Variants in FOXO1 observed in about 807,000 individuals in gnomAD.
FOXO1 encodes forkhead box O1.
In FOXO1, 6 loss-of-function variants were observed where a neutral mutation model predicts 44.1. The ratio of observed to expected loss-of-function variants is 0.14; its 90% CI spans 0.07 to 0.27. The LOEUF (loss-of-function observed/expected upper bound fraction) is 0.27, where lower values mean the gene tolerates loss of function less well. Among genes scored for constraint, FOXO1 ranks in the 10% least tolerant of loss-of-function variants. The pLI is 1.00. For synonymous variants in FOXO1, 380 were observed against 362.7 expected (o/e 1.05, Z -0.54); for missense variants, 737 against 888.8 (o/e 0.83, Z 2.17).
At chr13:40,568,952 A>G (rs1874376439) in intron 1 of FOXO1, among the ~76,000 whole-genome samples, 1 of 152,190 alleles carries the variant, frequency 6.6e-6, no homozygotes, top group South Asian at 2.1e-4. Context: ...AAAAAATAGA[A>G]CCACATGGAG....
At chr13:40,585,656 G>A (rs1370044396) in intron 1 of FOXO1, among the ~76,000 whole-genome samples, 1 of 152,194 alleles carries the variant, frequency 6.6e-6, no homozygotes, top group Non-Finnish European at 1.5e-5. Flanking sequence ...GAAAGCTTCT[G>A]CGGAAATAAT....
chr13:40,643,071 G>A (rs1381688155), intron 1 of FOXO1, among the ~76,000 whole-genome samples: 3 of 152,230 alleles, frequency 2.0e-5, no homozygotes, highest in Non-Finnish European at 4.4e-5. Flanking sequence ...ACCGGGCGTG[G>A]TGGCTCATGC....
At chr13:40,632,145 C>T (rs908914522) in intron 1 of FOXO1, among the ~76,000 whole-genome samples, 1 of 152,094 alleles carries the variant, frequency 6.6e-6, no homozygotes, top group Non-Finnish European at 1.5e-5. Context: ...GTGGCACATG[C>T]CTGTAGTCCC....
In FOXO1 at chr13:40,623,938, A is replaced by T. The variant is rs200768567; in HGVS notation, c.630+41645T>A. On this transcript the variant is annotated intron_variant, in intron 1 of 2. Coordinates refer to ENST00000379561, the MANE Select transcript of FOXO1 (RefSeq NM_002015.4). The stretch of plus-strand genomic sequence containing the variant: ...CCATCTCTTAAAAAAAAAAAAAAAA[A>T]TTTTTTTTTTTTTTAATTAGCCAGG... Among the ~76,000 whole-genome samples the T allele has an allele frequency of 7.2e-3, 983 of 135,680 alleles. 5 individuals are homozygous for T. The highest frequency in any genetic ancestry group is 0.022 in the Middle Eastern group (6 of 274). The allele number at this position is 135,680 out of a possible 152,430, so 89.0% of individuals were successfully genotyped here.
intron 1 of FOXO1, among the ~76,000 whole-genome samples, chr13:40,601,458 C>G (rs895441165): frequency 6.6e-6 from 1 of 152,174 alleles, no homozygotes; most frequent in Non-Finnish European, 1.5e-5. Context: ...AAAACAGAAG[C>G]AGTCATTTTG....
intron 1 of FOXO1, among the ~76,000 whole-genome samples, chr13:40,600,655 T>G (rs1875784773): frequency 6.6e-6 from 1 of 152,212 alleles, no homozygotes; most frequent in Non-Finnish European, 1.5e-5. Flanking sequence ...TATGCTAAAC[T>G]TAGTAAATTA....
At chr13:40,655,973 T>A (rs775164423) in intron 1 of FOXO1, among the ~76,000 whole-genome samples, 2 of 152,310 alleles carry the variant, frequency 1.3e-5, no homozygotes, top group Middle Eastern at 3.4e-3. Context: ...AAATGGCTGA[T>A]GAGTGTTATT....
chr13:40,663,242 T>A (rs972665243), intron 1 of FOXO1, among the ~76,000 whole-genome samples: 2 of 152,348 alleles, frequency 1.3e-5, no homozygotes, highest in African/African-American at 4.8e-5. Context: ...CTTGCATTTT[T>A]AAAAAAATCA....
intron 1 of FOXO1, among the ~76,000 whole-genome samples, chr13:40,600,086 C>T (rs889415313): frequency 5.9e-5 from 9 of 152,134 alleles, no homozygotes; most frequent in Admixed American, 5.9e-4. Flanking sequence ...ACTGACCCAG[C>T]GCTGAAAACT....
intron 1 of FOXO1, among the ~76,000 whole-genome samples, chr13:40,627,822 T>C (rs1876834222): frequency 6.7e-6 from 1 of 148,990 alleles, no homozygotes; most frequent in Non-Finnish European, 1.5e-5. Context: ...AACAGAGTGA[T>C]ACTCCGGCTA....
chr13:40,645,718 G>C (rs961915780), intron 1 of FOXO1, among the ~76,000 whole-genome samples: 10 of 152,178 alleles, frequency 6.6e-5, no homozygotes, highest in African/African-American at 2.4e-4. Flanking sequence ...TGAAAAACTA[G>C]GGAAGGGGAG....
At chr13:40,561,067 C>A (rs1428027283) in intron 1 of FOXO1, among the ~76,000 whole-genome samples, 2 of 152,212 alleles carry the variant, frequency 1.3e-5, no homozygotes, top group East Asian at 3.9e-4. Context: ...AAAACAATAT[C>A]TGTGGCTGGG....
intron 1 of FOXO1, among the ~76,000 whole-genome samples, chr13:40,612,539 A>C (rs1400395422): frequency 2.0e-5 from 3 of 152,220 alleles, no homozygotes; most frequent in Non-Finnish European, 4.4e-5. Context: ...TTCTTTCAAA[A>C]AGAAGGCTGG....
At chr13:40,652,342 G>A (rs1303909085) in intron 1 of FOXO1, among the ~76,000 whole-genome samples, 8 of 148,250 alleles carry the variant, frequency 5.4e-5, no homozygotes, top group Admixed American at 2.7e-4. Flanking sequence ...CTGGAGTGTA[G>A]CGGCAAGATC....
intron 1 of FOXO1, among the ~76,000 whole-genome samples, chr13:40,574,746 T>C (rs1874678848): frequency 6.6e-6 from 1 of 152,048 alleles, no homozygotes; most frequent in Non-Finnish European, 1.5e-5. Flanking sequence ...CTAGTTAAGA[T>C]TGCAATGGAT....
In FOXO1 at chr13:40,560,636, C is replaced by T. The variant is rs199861203; in HGVS notation, c.855G>A (p.Gly285=). 47 of 1,614,016 alleles carry T rather than the reference C, an allele frequency of 2.9e-5. No homozygotes were observed. Among genetic ancestry groups the T allele is most frequent in the Non-Finnish European group, 3.9e-5 (46 of 1,180,014 alleles). The part of the protein sequence containing the change: ...ASLQSGQEGA[G]DSPGSQFSKW... ...TGGAAAACTGTGATCCAGGGCTGTCCCCAGCACCCTCCTGGCCAGACTGGA... is the reference window on the plus strand; with the variant it reads ...TGGAAAACTGTGATCCAGGGCTGTCTCCAGCACCCTCCTGGCCAGACTGGA... The change falls in exon 2 of 3, where the codon GGG becomes GGA. Residue 285 remains glycine, a synonymous_variant. Coordinates refer to ENST00000379561, the MANE Select transcript of FOXO1 (RefSeq NM_002015.4). This position sits in a 1 kb window ranked among gnomAD's most constrained non-coding sequence, Gnocchi z 5.1.
rs537371203 is a variant in FOXO1, at chr13:40,590,452, C to T, written c.631-29592G>A. ...TTCCAAAATGACCATTAACCAAATG[C>T]CCCTCTTGCGGAGTTACAGAAGAGG... is the stretch of plus-strand genomic sequence containing the variant. On this transcript the variant is annotated intron_variant, in intron 1 of 2. Transcript: ENST00000379561. Among the ~76,000 whole-genome samples the T allele has an allele frequency of 2.6e-5, 4 of 152,300 alleles. No individual in the cohort carries two copies. In the Middle Eastern group the frequency reaches 0.01, roughly 389 times the overall value.
intron 2 of FOXO1, 122 bp downstream of exon 2, chr13:40,559,387 G>C (rs958087335): frequency 1.2e-6 from 1 of 838,730 alleles, no homozygotes; most frequent in Non-Finnish European, 1.8e-6. Context: ...AATGATAAAA[G>C]ATCCCTCTCT....
At chr13:40,607,169 G>A (rs552031189) in intron 1 of FOXO1, among the ~76,000 whole-genome samples, 4 of 152,270 alleles carry the variant, frequency 2.6e-5, no homozygotes, top group South Asian at 2.1e-4. Context: ...TGCCTTGGTT[G>A]GGCCTCTGGT....
Sources: gnomAD v4.1 joint callset for allele counts (sites outside exome capture counted in the v4.1 genomes callset) on GRCh38, gnomAD v4.1.1 for gene constraint, Gnocchi (gnomAD v3.1) non-coding constraint, MANE v1.5 for transcripts, NCBI Gene and HGNC (gene_info 2026-07-23, HGNC 2026-07-21) for gene names.